The following ADGRL3 variants were observed in gnomAD, a reference collection of about 807,000 sequenced individuals.
ADGRL3 encodes calcium-independent alpha-latrotoxin receptor 3.
In ADGRL3, 62 loss-of-function variants were observed where a neutral mutation model predicts 153.5. The ratio of observed to expected loss-of-function variants is 0.40; its 90% confidence interval spans 0.33 to 0.50. The LOEUF is 0.50. Ranked by LOEUF, ADGRL3 falls within the 20% of genes least tolerant of loss-of-function variation. ADGRL3 has a pLI of 0.47. For synonymous variants in ADGRL3, 710 were observed against 672.5 expected, an observed-to-expected ratio of 1.06 and a Z score of -0.86; for missense variants, 1,641 against 1,859.4, an observed-to-expected ratio of 0.88 and a Z score of 2.16.
chr4:61,576,640 G>T (rs1425603663), intron 4 of ADGRL3, among the ~76,000 whole-genome samples: 1 of 149,156 alleles, frequency 6.7e-6, no homozygotes, highest in Non-Finnish European at 1.5e-5. Flanking sequence ...CATTGTTAAT[G>T]AAAGTTTCAC....
chr4:61,597,196 C>T lies in ADGRL3; in HGVS notation c.473+9756C>T, dbSNP rs1456420044. Among the ~76,000 whole-genome samples the T allele has an allele frequency of 7.3e-5, 11 of 151,464 alleles. No homozygotes were observed. In the South Asian group the frequency reaches 1.2e-3, roughly 17 times the overall value. ...TTTGGAGCTGTTTCTTGGACTCGTT[C>T]GTGTATTGAGAAAGTAATGCTTGGC... On this transcript the variant is annotated intron_variant, in intron 5 of 26. Coordinates refer to ENST00000683033, the MANE Select transcript of ADGRL3 (RefSeq NM_001387552.1).
intron 5 of ADGRL3, among the ~76,000 whole-genome samples, chr4:61,626,365 A>C (rs921039083): frequency 1.3e-5 from 2 of 151,988 alleles, no homozygotes; most frequent in Admixed American, 6.6e-5. Flanking sequence ...TTAGGTAAGA[A>C]CCAAGTTGGT....
Position 61,587,383 on chromosome 4 carries a change from C to T in ADGRL3, c.416C>T (p.Ala139Val), listed in dbSNP as rs764345798. The T allele has an allele frequency of 2.7e-5, 43 of 1,612,392 alleles. No homozygotes were observed. The South Asian group carries it at 4.6e-4, about 17-fold the overall frequency. ...TDDKICDSDP[A>V]QMENIRCYLP... ...GACAAAATTTGTGACTCTGACCCTG[C>T]TCAGATGGAGAATATCCGATGTTAT... Residue 139 changes from alanine to valine, a missense_variant, in exon 5 of 27, where the codon GCT becomes GTT. Coordinates refer to ENST00000683033, the MANE Select transcript of ADGRL3 (RefSeq NM_001387552.1).
chr4:61,416,261 CAAAG>C, intron 2 of ADGRL3, among the ~76,000 whole-genome samples: 1 of 151,584 alleles, frequency 6.6e-6, no homozygotes, highest in East Asian at 1.9e-4. Flanking sequence ...TGATGGAAAT[CAAAG>C]AAACTAGTAA....
chr4:61,409,876 A>G (rs2097062403), intron 2 of ADGRL3, among the ~76,000 whole-genome samples: 1 of 152,146 alleles, frequency 6.6e-6, no homozygotes, highest in East Asian at 1.9e-4. Context: ...CAATTTTTAT[A>G]GTATTAAAAC....
At chr4:61,921,955 CCT>C (rs1222974063) in intron 13 of ADGRL3, among the ~76,000 whole-genome samples, 2 of 152,106 alleles carry the variant, frequency 1.3e-5, no homozygotes, top group Non-Finnish European at 2.9e-5. Flanking sequence ...GAACAACTTA[CCT>C]CTTCATCAGT....
At chr4:61,495,518 A>G (rs2098305113) in intron 2 of ADGRL3, among the ~76,000 whole-genome samples, 1 of 151,472 alleles carries the variant, frequency 6.6e-6, no homozygotes, top group African/African-American at 2.4e-5. Context: ...AGGAAGGGGA[A>G]GGGAAGAGAA....
intron 1 of ADGRL3, among the ~76,000 whole-genome samples, chr4:61,380,732 A>T (rs1184366442): frequency 6.6e-6 from 1 of 151,990 alleles, no homozygotes; most frequent in African/African-American, 2.4e-5. Context: ...ATTTGCCGGC[A>T]TTTATTTTTA....
intron 4 of ADGRL3, among the ~76,000 whole-genome samples, chr4:61,535,239 A>G (rs913851443): frequency 1.3e-5 from 2 of 151,964 alleles, no homozygotes; most frequent in African/African-American, 4.8e-5. Context: ...GAGTAAATCA[A>G]ATTTACTGAA....
intron 2 of ADGRL3, among the ~76,000 whole-genome samples, chr4:61,480,808 ATAAAT>A (rs1158128846): frequency 2.0e-5 from 3 of 149,788 alleles, no homozygotes; most frequent in African/African-American, 7.3e-5. Flanking sequence ...ATAAATGAAA[ATAAAT>A]AAAAGATAAA....
At chr4:61,771,974 T>C (rs1272250964) in intron 8 of ADGRL3, among the ~76,000 whole-genome samples, 1 of 152,174 alleles carries the variant, frequency 6.6e-6, no homozygotes, top group Non-Finnish European at 1.5e-5. Context: ...TTCAGCCATC[T>C]TCATATCTCA....
chr4:61,500,034 A>AGAGAGAGG (rs1367471033), intron 3 of ADGRL3, among the ~76,000 whole-genome samples: 1 of 74,636 alleles, frequency 1.3e-5, no homozygotes, highest in African/African-American at 3.2e-5. Context: ...AGAAACAGAG[A>AGAGAGAGG]GAGAGAGAGA....
At position 61,324,992 on chromosome 4, in the gene ADGRL3, A is replaced by C. The variant is rs563970731; in HGVS notation, c.-239-58132A>C. Among the ~76,000 whole-genome samples the C allele has an allele frequency of 8.5e-5, 13 of 152,304 alleles. No individual in the cohort carries two copies. In the South Asian group the frequency reaches 2.7e-3, roughly 32 times the overall value. The stretch of plus-strand genomic sequence containing the variant: ...TTACCATTTGGAATTCTGACTTTAC[A>C]GATTACTTTACTAAGTGCATTGCTT... On this transcript the variant is annotated intron_variant, in intron 1 of 26. Transcript: ENST00000683033.
intron 1 of ADGRL3, among the ~76,000 whole-genome samples, chr4:61,365,301 T>C (rs1339757685): frequency 6.6e-6 from 1 of 152,146 alleles, no homozygotes; most frequent in Non-Finnish European, 1.5e-5. Context: ...TAACTGATTG[T>C]TCTAAAACAT....
chr4:61,441,653 G>C (rs2097530162), intron 2 of ADGRL3, among the ~76,000 whole-genome samples: 1 of 152,008 alleles, frequency 6.6e-6, no homozygotes, highest in Admixed American at 6.6e-5. Context: ...CCGAGTAGCT[G>C]GGACTACAGG....
chr4:61,758,180 C>A (rs915995301), intron 8 of ADGRL3, among the ~76,000 whole-genome samples: 3 of 152,038 alleles, frequency 2.0e-5, no homozygotes, highest in Admixed American at 1.3e-4. Flanking sequence ...TAACCTGATT[C>A]AATTCCTGGA....
chr4:61,604,727 A>T (rs2099025191), intron 5 of ADGRL3, among the ~76,000 whole-genome samples: 1 of 152,236 alleles, frequency 6.6e-6, no homozygotes, highest in African/African-American at 2.4e-5. Context: ...AAATGGTATG[A>T]TTCATTTGTA....
intron 1 of ADGRL3, among the ~76,000 whole-genome samples, chr4:61,313,832 C>T (rs959563775): frequency 6.6e-6 from 1 of 152,134 alleles, no homozygotes. Flanking sequence ...CCTAACCTAA[C>T]AGGTCAGAGC....
At chr4:61,368,481 G>A (rs1033504490) in intron 1 of ADGRL3, among the ~76,000 whole-genome samples, 13 of 152,034 alleles carry the variant, frequency 8.6e-5, no homozygotes, top group East Asian at 1.9e-4. Context: ...TTTATTAAAT[G>A]GGGAATCCTT....
Sources: gnomAD v4.1 joint callset for allele counts (sites outside exome capture counted in the v4.1 genomes callset) on GRCh38, gnomAD v4.1.1 for gene constraint, MANE v1.5 for transcripts, NCBI Gene and HGNC (gene_info 2026-07-23, HGNC 2026-07-21) for gene names.